The following ZNF362 variants were observed in gnomAD, a reference collection of about 807,000 sequenced individuals.
The protein encoded by ZNF362 is rotund homolog.
In ZNF362, 11 loss-of-function variants were observed where a neutral mutation model predicts 42.9. The ratio of observed to expected loss-of-function variants is 0.26; its 90% CI spans 0.16 to 0.42. The LOEUF (loss-of-function observed/expected upper bound fraction) is 0.42, where lower values mean the gene tolerates loss of function less well. Among genes scored for constraint, ZNF362 ranks in the 20% least tolerant of loss-of-function variants. The probability of loss-of-function intolerance (pLI) is 1.00; values close to 1 mark genes in which losing one functional copy is unlikely to be tolerated. For missense variants in ZNF362, 362 were observed against 576.2 expected (o/e 0.63, Z 3.81); for synonymous variants, 255 against 257.3 (o/e 0.99, Z 0.09).
the ZNF362 span, chr1:33,159,621 C>G: frequency 3.3e-6 from 5 of 1,531,188 alleles, no homozygotes; most frequent in East Asian, 9.1e-5. The surrounding 1 kb of genome is among the most constrained non-coding windows in gnomAD (Gnocchi z 4.2). Flanking sequence ...TGCCTCCACT[C>G]CCACTGCCCA....
At position 33,280,198 on chromosome 1, in the gene ZNF362, A is replaced by G. The variant is rs1452291738; in HGVS notation, c.424A>G (p.Thr142Ala). The G allele has an allele frequency of 1.2e-6, 2 of 1,613,458 alleles. No homozygotes were observed. Among genetic ancestry groups the G allele is most frequent in the East Asian group, 2.2e-5 (1 of 44,842 alleles). The part of the protein sequence containing the change: ...SSAGAGTGTG[T>A]STPSTPTTTS... ...CGCGGGCGCGGGCACGGGCACGGGT[A>G]CCAGCACCCCGTCCACACCCACCAC... Residue 142 changes from threonine (T) to alanine (A), a missense_variant, in exon 5 of 9, where the codon ACC (threonine) becomes GCC (alanine). Thr to Ala is a moderately conservative substitution (Grantham distance 58). Coordinates refer to ENST00000539719, the MANE Select transcript of ZNF362 (RefSeq NM_152493.3). This position sits in a 1 kb window ranked among gnomAD's most constrained non-coding sequence, Gnocchi z 5.6.
chr1:33,189,716 TATACATAC>T, the ZNF362 span, among the ~76,000 whole-genome samples: 2 of 128,178 alleles, frequency 1.6e-5, no homozygotes, highest in Admixed American at 8.1e-5. Context: ...TACGTATATA[TATACATAC>T]ACACATACAC....
intron 1 of ZNF362, among the ~76,000 whole-genome samples, chr1:33,269,003 A>G (rs1041170523): frequency 5.3e-5 from 8 of 152,066 alleles, no homozygotes; most frequent in African/African-American, 1.9e-4. Context: ...AGGGCAGGGG[A>G]GGTGGTGCAG....
chr1:33,132,860 A>C, the ZNF362 span, among the ~76,000 whole-genome samples: 1 of 152,228 alleles, frequency 6.6e-6, no homozygotes, highest in Non-Finnish European at 1.5e-5. Context: ...CTGGGCTTTT[A>C]AAATTAGCGG....
At chr1:33,156,413 T>C in the ZNF362 span, among the ~76,000 whole-genome samples, 23 of 152,348 alleles carry the variant, frequency 1.5e-4, no homozygotes, top group South Asian at 4.1e-4. Flanking sequence ...GAATAGTCTC[T>C]TCTGGGTTCT....
intron 6 of ZNF362, among the ~76,000 whole-genome samples, chr1:33,286,069 CA>C (rs1047417666): frequency 6.6e-6 from 1 of 151,678 alleles, no homozygotes; most frequent in Non-Finnish European, 1.5e-5. Flanking sequence ...TCTCAAAAAA[CA>C]AAAAAACAAA....
chr1:33,133,308 G>C, the ZNF362 span, among the ~76,000 whole-genome samples: 1 of 152,236 alleles, frequency 6.6e-6, no homozygotes, highest in Non-Finnish European at 1.5e-5. Flanking sequence ...AAGAGAGGAA[G>C]GAGAGTTTCT....
the ZNF362 span, among the ~76,000 whole-genome samples, chr1:33,133,778 G>C: frequency 1.3e-5 from 2 of 152,230 alleles, no homozygotes; most frequent in Non-Finnish European, 1.5e-5. Context: ...CACGGAGGAG[G>C]CATGGTGCAG....
In ZNF362 at chr1:33,294,425, A is replaced by G. The variant is rs1448507970; in HGVS notation, c.909-512A>G. Among the ~76,000 whole-genome samples, 1 of 152,104 alleles carries G rather than the reference A, an allele frequency of 6.6e-6. No homozygotes were observed. Among genetic ancestry groups the G allele is most frequent in the Non-Finnish European group, 1.5e-5 (1 of 68,034 alleles). Reference sequence around the variant, plus strand: ...GGGCCATGCTGTCCCACATTCTCCCATTTACTGGGGTGACCATGCAGCTGT... The same window carrying G: ...GGGCCATGCTGTCCCACATTCTCCCGTTTACTGGGGTGACCATGCAGCTGT... On this transcript the variant is annotated intron_variant, in intron 6 of 8. Transcript: ENST00000539719. This position sits in a 1 kb window ranked among gnomAD's most constrained non-coding sequence, Gnocchi z 4.2.
chr1:33,291,796 A>C (rs1646080202), intron 6 of ZNF362, among the ~76,000 whole-genome samples: 1 of 152,190 alleles, frequency 6.6e-6, no homozygotes, highest in Non-Finnish European at 1.5e-5. Flanking sequence ...CATCCCTTGT[A>C]AGTTGAATTC....
the ZNF362 span, among the ~76,000 whole-genome samples, chr1:33,140,513 G>C: frequency 3.9e-5 from 6 of 152,218 alleles, no homozygotes; most frequent in Non-Finnish European, 7.3e-5. The surrounding 1 kb of genome is among the most constrained non-coding windows in gnomAD (Gnocchi z 4.0). Flanking sequence ...AGCCTGCAGG[G>C]AGTGAGGGGG....
chr1:33,152,573 GAA>G, the ZNF362 span, among the ~76,000 whole-genome samples: 387 of 102,834 alleles, frequency 3.8e-3, 1 homozygote, highest in African/African-American at 0.013. Context: ...GTCTCAAAAA[GAA>G]AAAAAAAAAA....
At chr1:33,171,392 A>AG in the ZNF362 span, among the ~76,000 whole-genome samples, 1 of 152,094 alleles carries the variant, frequency 6.6e-6, no homozygotes, top group Admixed American at 6.5e-5. Flanking sequence ...CATCTCACAG[A>AG]GGGGGAAATT....
chr1:33,277,427 G>C (rs1434235498), intron 4 of ZNF362, among the ~76,000 whole-genome samples: 1 of 152,216 alleles, frequency 6.6e-6, no homozygotes, highest in Non-Finnish European at 1.5e-5. Context: ...AGATTAAAAA[G>C]GGCCCTGTAG....
At chr1:33,256,451 C>CCGCCGG (rs1268065524), upstream of ZNF362, 1 of 34,788 alleles carries the variant, frequency 2.9e-5, no homozygotes, top group Non-Finnish European at 4.3e-5. Context: ...ACCCAGCCTC[C>CCGCCGG]CGCCGCCGCC....
chr1:33,261,496 C>T (rs775013908), intron 1 of ZNF362: 9 of 152,074 alleles, frequency 5.9e-5, no homozygotes, highest in Non-Finnish European at 1.0e-4. Context: ...CAGACAGCCT[C>T]GGTGCATTGT....
chr1:33,255,823 G>T (rs181557232), upstream of ZNF362, among the ~76,000 whole-genome samples: 298 of 152,098 alleles, frequency 2.0e-3, 3 homozygotes, highest in Admixed American at 0.016. Flanking sequence ...AGGGGTGAGG[G>T]TCCATCCTGG....
intron 4 of ZNF362, among the ~76,000 whole-genome samples, chr1:33,279,107 C>T (rs1645971723): frequency 6.6e-6 from 1 of 152,122 alleles, no homozygotes; most frequent in East Asian, 1.9e-4. Flanking sequence ...TCACTGAAGC[C>T]TCGACCTCTG....
the ZNF362 span, among the ~76,000 whole-genome samples, chr1:33,210,257 A>G: frequency 2.0e-4 from 30 of 152,170 alleles, no homozygotes; most frequent in African/African-American, 5.6e-4. Context: ...CTTAATCCTG[A>G]GTTCCAATTT....
Sources: gnomAD v4.1 joint callset for allele counts (sites outside exome capture counted in the v4.1 genomes callset) on GRCh38, gnomAD v4.1.1 for gene constraint, Gnocchi (gnomAD v3.1) non-coding constraint, MANE v1.5 for transcripts, NCBI Gene and HGNC (gene_info 2026-07-23, HGNC 2026-07-21) for gene names.